Variants in PATJ observed in about 807,000 individuals in gnomAD.
PATJ encodes PATJ crumbs cell polarity complex component.
In PATJ, 190 loss-of-function variants were observed where a neutral mutation model predicts 224.9. That is an observed-to-expected ratio of 0.84 (90% CI 0.75 to 0.95). The LOEUF is 0.95. PATJ is among the 40% of genes least tolerant of loss of function. The probability of loss-of-function intolerance (pLI) is 0.00; values close to 1 mark genes in which losing one functional copy is unlikely to be tolerated. For synonymous variants in PATJ, 769 were observed against 820.3 expected, an observed-to-expected ratio of 0.94 and a Z score of 1.07; for missense variants, 2,121 against 2,270.3, an observed-to-expected ratio of 0.93 and a Z score of 1.34.
At chr1:61,841,985 G>A (rs1390522087) in intron 17 of PATJ, among the ~76,000 whole-genome samples, 1 of 152,084 alleles carries the variant, frequency 6.6e-6, no homozygotes, top group African/African-American at 2.4e-5. Context: ...ATTCTTAGTG[G>A]TGTGCTCATG....
chr1:61,883,260 T>A (rs1668344099), intron 21 of PATJ, among the ~76,000 whole-genome samples: 1 of 152,236 alleles, frequency 6.6e-6, no homozygotes, highest in East Asian at 1.9e-4. Flanking sequence ...AAGCTTATTA[T>A]GTGAACCTTT....
At chr1:62,135,333 C>T (rs957468087) in intron 41 of PATJ, among the ~76,000 whole-genome samples, 1 of 151,516 alleles carries the variant, frequency 6.6e-6, no homozygotes, top group East Asian at 1.9e-4. Flanking sequence ...GCCTGGCCAA[C>T]GTGGTGAAAC....
At chr1:61,893,057 C>T (rs974428915) in intron 22 of PATJ, among the ~76,000 whole-genome samples, 3 of 152,134 alleles carry the variant, frequency 2.0e-5, no homozygotes, top group East Asian at 1.9e-4. Context: ...TTCACTTTCT[C>T]GGTTAAATTT....
At position 61,749,141 on chromosome 1, in the gene PATJ, AT is replaced by A. The variant is rs767004758; in HGVS notation, c.-36+6602del. ...CAGGTGCCCGCCACCACGCCCAGCT[AT>A]TTTTTTTTTTTTTTTAAACAGAGTT... On this transcript the variant is annotated intron_variant, in intron 1 of 43. Transcript: ENST00000642238. Among the ~76,000 whole-genome samples, 775 of 136,272 alleles carry A rather than the reference AT, an allele frequency of 5.7e-3. 1 individual carries two copies. Among genetic ancestry groups the A allele is most frequent in the Middle Eastern group, 7.6e-3 (2 of 264 alleles). 89.4% of individuals were successfully genotyped at this position (136,272 alleles called of 152,430 possible). A position where few individuals can be genotyped will look rare whatever the true frequency, so the allele number is the denominator to read the frequency against.
At chr1:62,020,115 AGCCATGATCAC>A (rs1379121175) in intron 29 of PATJ, among the ~76,000 whole-genome samples, 1 of 152,080 alleles carries the variant, frequency 6.6e-6, no homozygotes, top group African/African-American at 2.4e-5. Flanking sequence ...GGCTGCAGTG[AGCCATGATCAC>A]GCCACTGCAC....
At chr1:61,834,062 C>T (rs1166131451) in intron 17 of PATJ, among the ~76,000 whole-genome samples, 1 of 152,128 alleles carries the variant, frequency 6.6e-6, no homozygotes, top group Non-Finnish European at 1.5e-5. Flanking sequence ...ATATGGAGGA[C>T]TTTTGTTCCT....
chr1:62,117,490 C>A, intron 37 of PATJ: 30 of 933,190 alleles, frequency 3.2e-5, no homozygotes, highest in Non-Finnish European at 3.8e-5. Flanking sequence ...CACGCATGTA[C>A]ACAGCTGTGT....
chr1:62,047,153 G>A (rs1408958565), intron 30 of PATJ, among the ~76,000 whole-genome samples: 1 of 152,232 alleles, frequency 6.6e-6, no homozygotes, highest in African/African-American at 2.4e-5. Context: ...CTCTTCATGT[G>A]AGAATCTCTC....
intron 29 of PATJ, among the ~76,000 whole-genome samples, chr1:62,036,871 C>CAA (rs55761910): frequency 3.0e-5 from 2 of 67,342 alleles, no homozygotes; most frequent in South Asian, 6.7e-4. Flanking sequence ...GACTCCATCT[C>CAA]AAAAAAAAAA....
chr1:62,093,104 A>C (rs1660983883), intron 33 of PATJ, among the ~76,000 whole-genome samples: 1 of 152,136 alleles, frequency 6.6e-6, no homozygotes, highest in African/African-American at 2.4e-5. Context: ...CAATCACCTG[A>C]TTTAATACCA....
chr1:62,097,547 G>A (rs561928580), intron 33 of PATJ, among the ~76,000 whole-genome samples: 1 of 152,188 alleles, frequency 6.6e-6, no homozygotes, highest in African/African-American at 2.4e-5. Context: ...AGGGAGAGAG[G>A]CCCAGCCATT....
chr1:62,116,288 T>A (rs763156596), intron 35 of PATJ, among the ~76,000 whole-genome samples: 7 of 152,192 alleles, frequency 4.6e-5, no homozygotes, highest in Non-Finnish European at 7.3e-5. Flanking sequence ...AACCTGTATG[T>A]CCATCAGTAA....
chr1:61,957,854 G>A (rs367594116), intron 27 of PATJ, among the ~76,000 whole-genome samples: 21 of 152,274 alleles, frequency 1.4e-4, no homozygotes, highest in African/African-American at 4.3e-4. Flanking sequence ...TGAGTTCAAG[G>A]TCAGATCTTA....
intron 29 of PATJ, among the ~76,000 whole-genome samples, chr1:62,031,697 A>G (rs375602116): frequency 8.5e-5 from 13 of 152,354 alleles, no homozygotes; most frequent in African/African-American, 2.9e-4. Flanking sequence ...AGTTAAGAGT[A>G]GGTTTTGAAA....
intron 28 of PATJ, among the ~76,000 whole-genome samples, chr1:61,998,272 T>C (rs1569852473): frequency 6.6e-6 from 1 of 151,092 alleles, no homozygotes; most frequent in Non-Finnish European, 1.5e-5. Context: ...TTAGTAGAGA[T>C]GGGGTTTCAC....
chr1:61,937,725 A>G (rs1677112684), intron 27 of PATJ, among the ~76,000 whole-genome samples: 1 of 146,956 alleles, frequency 6.8e-6, no homozygotes, highest in Non-Finnish European at 1.5e-5. Flanking sequence ...ATCTCAGCTC[A>G]CCACAACCTC....
chr1:62,064,080 G>T (rs1217481933), intron 31 of PATJ, among the ~76,000 whole-genome samples: 1 of 152,122 alleles, frequency 6.6e-6, no homozygotes, highest in Non-Finnish European at 1.5e-5. Flanking sequence ...TCTTGTTCCA[G>T]TTCTGAAGAG....
intron 31 of PATJ, among the ~76,000 whole-genome samples, chr1:62,070,960 G>A (rs1657286811): frequency 6.6e-6 from 1 of 152,100 alleles, no homozygotes; most frequent in Non-Finnish European, 1.5e-5. Flanking sequence ...GGCATAACTT[G>A]GTCACTATCT....
chr1:62,017,740 AAAAAAAAG>A, intron 28 of PATJ, 108 bp from the exon 29 acceptor site: 5 of 571,678 alleles, frequency 8.7e-6, no homozygotes, highest in African/African-American at 3.8e-5. Context: ...AAAAAAAAAA[AAAAAAAAG>A]AAAAGAAAAG....
Sources: allele counts gnomAD v4.1 joint callset (sites outside exome capture counted in the v4.1 genomes callset), GRCh38; gene constraint gnomAD v4.1.1; transcripts MANE v1.5; gene names NCBI Gene and HGNC (gene_info 2026-07-23, HGNC 2026-07-21).